The following KANK1 variants were observed in gnomAD, a reference collection of about 807,000 sequenced individuals.
The protein encoded by KANK1 is KN motif and ankyrin repeat domain-containing protein 1.
A neutral mutation model predicts 106.2 loss-of-function variants in KANK1; 109 were observed. The ratio of observed to expected loss-of-function variants is 1.03; its 90% CI spans 0.88 to 1.20. The LOEUF (loss-of-function observed/expected upper bound fraction) is 1.20. Ranked by LOEUF, KANK1 falls within the 50% of genes most tolerant of loss-of-function variation. The probability of loss-of-function intolerance (pLI) is 0.00; values close to 1 mark genes in which losing one functional copy is unlikely to be tolerated. For synonymous variants in KANK1, 873 were observed against 652.2 expected (o/e 1.34, Z -5.16); for missense variants, 2,399 against 1,710.7 (o/e 1.40, Z -7.10).
At chr9:686,731 T>A (rs925566423) in intron 2 of KANK1, 1 of 981,566 alleles carries the variant, frequency 1.0e-6, no homozygotes, top group African/African-American at 1.7e-5. Flanking sequence ...AGTGCAATGA[T>A]TGTTACCTAT....
intron 3 of KANK1, among the ~76,000 whole-genome samples, chr9:726,465 C>T (rs1442380125): frequency 2.0e-5 from 3 of 152,044 alleles, no homozygotes; most frequent in African/African-American, 4.8e-5. Context: ...ATGGTGAAAC[C>T]GAGTCTCTAC....
chr9:504,632 G>T (rs1042885130), upstream of KANK1: 4 of 150,294 alleles, frequency 2.7e-5, no homozygotes, highest in African/African-American at 9.9e-5. Flanking sequence ...CGTGCGGTTC[G>T]GGCTTTAATT....
intron 1 of KANK1, among the ~76,000 whole-genome samples, chr9:522,319 A>G (rs536420485): frequency 6.6e-6 from 1 of 151,868 alleles, no homozygotes; most frequent in South Asian, 2.1e-4. Context: ...GTACAGATAC[A>G]TATATCGTGG....
In KANK1 at chr9:566,706, G is replaced by GT. The variant is rs1413449573; in HGVS notation, c.-84+61959dup. Among the ~76,000 whole-genome samples the GT allele has an allele frequency of 1.3e-4, 20 of 152,038 alleles. 1 individual carries two copies. Among genetic ancestry groups the GT allele is most frequent in the African/African-American group, 3.9e-4 (16 of 41,416 alleles). ...CCTTTGCCTACTTTTTAATGGAGTT[G>GT]TTTTTTTCTTATAAATTTAAGTTCC... On this transcript the variant is annotated intron_variant, in intron 1 of 11. Transcript: ENST00000382297.
chr9:686,636 T>G (rs2139282527), intron 2 of KANK1: 1 of 476,116 alleles, frequency 2.1e-6, no homozygotes, highest in East Asian at 1.5e-4. Context: ...ATTTTTCCAT[T>G]AGCACCACAC....
chr9:544,443 A>G (rs2060805463), intron 1 of KANK1, among the ~76,000 whole-genome samples: 1 of 152,130 alleles, frequency 6.6e-6, no homozygotes, highest in Non-Finnish European at 1.5e-5. Flanking sequence ...TAGTCTTCGT[A>G]CTTCTTATCT....
intron 2 of KANK1, among the ~76,000 whole-genome samples, chr9:701,600 C>T (rs888583858): frequency 3.3e-5 from 5 of 152,074 alleles, no homozygotes; most frequent in Non-Finnish European, 5.9e-5. Context: ...ACACTAGATT[C>T]GGGTAGCACC....
chr9:726,619 C>G (rs191425738), intron 3 of KANK1, among the ~76,000 whole-genome samples: 147 of 151,426 alleles, frequency 9.7e-4, no homozygotes, highest in African/African-American at 3.4e-3. Context: ...AGCCTAGCAA[C>G]AGAGTAAGAC....
chr9:485,305 C>T (rs2058272270), intron 3 of KANK1, among the ~76,000 whole-genome samples: 1 of 152,144 alleles, frequency 6.6e-6, no homozygotes, highest in Non-Finnish European at 1.5e-5. Flanking sequence ...TTTTTAAGGG[C>T]TTTGTTAAGG....
chr9:613,645 C>T (rs751689518), intron 1 of KANK1, among the ~76,000 whole-genome samples: 19 of 152,094 alleles, frequency 1.2e-4, no homozygotes, highest in Non-Finnish European at 2.4e-4. Context: ...TAAAAGGAAT[C>T]CACAGAGAGC....
chr9:547,136 T>A (rs2060981549), intron 1 of KANK1, among the ~76,000 whole-genome samples: 1 of 152,236 alleles, frequency 6.6e-6, no homozygotes, highest in Non-Finnish European at 1.5e-5. Context: ...CCTTCTCACA[T>A]TGCAGCACGA....
intron 1 of KANK1, among the ~76,000 whole-genome samples, chr9:573,237 C>G (rs1819657366): frequency 6.6e-6 from 1 of 151,990 alleles, no homozygotes; most frequent in Admixed American, 6.6e-5. Context: ...TGTCACTAAA[C>G]TTATCTAATA....
chr9:492,560 A>G (rs985392629), intron 3 of KANK1, among the ~76,000 whole-genome samples: 3 of 152,232 alleles, frequency 2.0e-5, no homozygotes, highest in African/African-American at 7.2e-5. Context: ...ACAGTCTCAC[A>G]TCACATGCTT....
At chr9:604,558 G>A (rs1253533624) in intron 1 of KANK1, among the ~76,000 whole-genome samples, 2 of 151,724 alleles carry the variant, frequency 1.3e-5, no homozygotes, top group African/African-American at 4.9e-5. Context: ...CTGGCCGGGT[G>A]CAGTGGCTCA....
chr9:630,239 C>T (rs1426847653), intron 1 of KANK1, among the ~76,000 whole-genome samples: 1 of 150,336 alleles, frequency 6.7e-6, no homozygotes, highest in Non-Finnish European at 1.5e-5. Flanking sequence ...CAGAGCGAGA[C>T]TCTGTCTTAA....
chr9:563,190 CT>C lies in KANK1; in HGVS notation c.-84+58451del, dbSNP rs35709800. Among the ~76,000 whole-genome samples, 628 of 149,348 alleles carry C rather than the reference CT, an allele frequency of 4.2e-3. 2 individuals are homozygous for C. The highest frequency in any genetic ancestry group is 0.012 in the African/African-American group (502 of 40,858). On this transcript the variant is annotated intron_variant, in intron 1 of 11. Transcript: ENST00000382297. ...CAAATGAATGAAATATTTTGTCAGA[CT>C]TTTTTTTTTTTTTTACTTACTGACC...
At chr9:729,978 A>G in intron 3 of KANK1, 73 bp from the exon 4 acceptor site, 1 of 1,306,028 alleles carries the variant, frequency 7.7e-7, no homozygotes, top group Middle Eastern at 2.4e-4. Flanking sequence ...ATGAGTGGCA[A>G]GAATTGTTTT....
At chr9:597,702 T>A (rs957307994) in intron 1 of KANK1, among the ~76,000 whole-genome samples, 19 of 151,664 alleles carry the variant, frequency 1.3e-4, no homozygotes, top group Non-Finnish European at 1.3e-4. Context: ...CTTGCTCTGT[T>A]GCCCAGGCTG....
chr9:618,497 C>T (rs1033915765), intron 1 of KANK1, among the ~76,000 whole-genome samples: 1 of 152,130 alleles, frequency 6.6e-6, no homozygotes, highest in Admixed American at 6.5e-5. Flanking sequence ...CGTGAGCTAC[C>T]ATGCCTGGCC....
Sources: allele counts gnomAD v4.1 joint callset (sites outside exome capture counted in the v4.1 genomes callset), GRCh38; gene constraint gnomAD v4.1.1; transcripts MANE v1.5; gene names NCBI Gene and HGNC (gene_info 2026-07-23, HGNC 2026-07-21).